Variants in FRAS1 observed in about 807,000 individuals in gnomAD.
The protein encoded by FRAS1 is Fraser extracellular matrix complex subunit 1, also known as extracellular matrix organizing protein FRAS1.
A neutral mutation model predicts 435.2 loss-of-function variants in FRAS1; 290 were observed. The observed-to-expected ratio is 0.67, with a 90% CI of 0.61 to 0.73. FRAS1 has a LOEUF of 0.73. Among genes scored for constraint, FRAS1 ranks in the 30% least tolerant of loss-of-function variants. The pLI, the probability that FRAS1 is intolerant of heterozygous loss-of-function variation, is 0.00. For missense variants in FRAS1, 4,860 were observed against 5,001.5 expected, an observed-to-expected ratio of 0.97 and a Z score of 0.85; for synonymous variants, 1,800 against 1,851.0, an observed-to-expected ratio of 0.97 and a Z score of 0.71.
At chr4:78,101,438 C>T (rs1270060706) in intron 2 of FRAS1, among the ~76,000 whole-genome samples, 1 of 152,056 alleles carries the variant, frequency 6.6e-6, no homozygotes, top group Non-Finnish European at 1.5e-5. Context: ...CTTGGTATTC[C>T]TGTATTCACA....
At chr4:78,537,382 A>C (rs1305008736) in intron 72 of FRAS1, among the ~76,000 whole-genome samples, 182 bp downstream of exon 72, 1 of 152,226 alleles carries the variant, frequency 6.6e-6, no homozygotes, top group Non-Finnish European at 1.5e-5. Context: ...ACGATGAGTA[A>C]CAAGACAAAC....
rs186330934 is a variant in FRAS1, at chr4:78,433,160, G to T, written c.5217+556G>T. Among the ~76,000 whole-genome samples, 54 of 152,274 alleles carry T rather than the reference G, an allele frequency of 3.5e-4. No individual in the cohort carries two copies. The East Asian group carries it at 7.9e-3, about 22-fold the overall frequency. On this transcript the variant is annotated intron_variant, in intron 38 of 73. Coordinates refer to ENST00000512123, the MANE Select transcript of FRAS1 (RefSeq NM_025074.7). ...GAAGCAGTGTAATTAGGAGGCCAAG[G>T]AGAGGATCAAGGACTAGAGTTTGTT...
intron 25 of FRAS1, among the ~76,000 whole-genome samples, chr4:78,375,444 A>G (rs1231740401): frequency 6.6e-6 from 1 of 152,248 alleles, no homozygotes; most frequent in African/African-American, 2.4e-5. Flanking sequence ...GTACCTAGAA[A>G]GAGTCTGTGC....
At chr4:78,531,352 C>A (rs995940397) in intron 70 of FRAS1, among the ~76,000 whole-genome samples, 1 of 152,050 alleles carries the variant, frequency 6.6e-6, no homozygotes, top group Non-Finnish European at 1.5e-5. Context: ...GCCTGCTTGC[C>A]CTGGCCAGAA....
intron 2 of FRAS1, among the ~76,000 whole-genome samples, chr4:78,163,202 C>G (rs1170598303): frequency 6.6e-6 from 1 of 152,168 alleles, no homozygotes; most frequent in Non-Finnish European, 1.5e-5. Context: ...TTATAAAAAG[C>G]ATTTTATTCC....
intron 4 of FRAS1, among the ~76,000 whole-genome samples, chr4:78,249,613 G>A (rs377399559): frequency 5.9e-5 from 9 of 152,156 alleles, no homozygotes; most frequent in South Asian, 2.1e-4. Context: ...ATGAGCCACC[G>A]TTGTCCAGCC....
intron 15 of FRAS1, among the ~76,000 whole-genome samples, chr4:78,310,111 G>A (rs1376605086): frequency 6.6e-6 from 1 of 152,182 alleles, no homozygotes; most frequent in East Asian, 1.9e-4. Flanking sequence ...GGTGGCTTTT[G>A]TGTGGATTCA....
intron 14 of FRAS1, among the ~76,000 whole-genome samples, chr4:78,301,846 GTT>G (rs59794614): frequency 3.8e-4 from 39 of 103,948 alleles, no homozygotes; most frequent in Middle Eastern, 6.0e-3. Context: ...CACAGAAACA[GTT>G]TTTTTTTTTT....
At chr4:78,431,307 G>A (rs572913625) in intron 37 of FRAS1, among the ~76,000 whole-genome samples, 2 of 152,240 alleles carry the variant, frequency 1.3e-5, no homozygotes, top group Admixed American at 6.5e-5. Context: ...ATTCCCAGGA[G>A]ACTACTTTAG....
chr4:78,314,607 C>T (rs1729160772), intron 15 of FRAS1, among the ~76,000 whole-genome samples: 1 of 152,088 alleles, frequency 6.6e-6, no homozygotes, highest in African/African-American at 2.4e-5. Context: ...ATTGCCTTTC[C>T]TAGGATGAAA....
At chr4:78,513,056 C>A (rs1721088010) in intron 64 of FRAS1, among the ~76,000 whole-genome samples, 1 of 152,192 alleles carries the variant, frequency 6.6e-6, no homozygotes, top group Non-Finnish European at 1.5e-5. Context: ...AGTCACTCAG[C>A]TTTAGCTCCT....
intron 70 of FRAS1, among the ~76,000 whole-genome samples, chr4:78,534,048 G>A (rs55796123): frequency 0.14 from 21,771 of 152,030 alleles, 1,795 homozygotes; most frequent in East Asian, 0.3. Flanking sequence ...CTGAAAGTGG[G>A]ACATGCGATA....
At chr4:78,316,298 T>C (rs1305287618) in intron 16 of FRAS1, among the ~76,000 whole-genome samples, 7 of 152,238 alleles carry the variant, frequency 4.6e-5, no homozygotes, top group Admixed American at 1.3e-4. Flanking sequence ...GTGTCTTTCC[T>C]CACAGGTAAC....
chr4:78,355,194 C>T (rs777502240), intron 20 of FRAS1, among the ~76,000 whole-genome samples: 21 of 152,056 alleles, frequency 1.4e-4, no homozygotes, highest in Non-Finnish European at 2.6e-4. Context: ...ACTCCATTTT[C>T]GGGCTACCTT....
chr4:78,308,218 T>TG lies in FRAS1; in HGVS notation c.1678+12dup. The TG allele has an allele frequency of 6.2e-7, 1 of 1,612,378 alleles. No homozygotes were observed. The highest frequency in any genetic ancestry group is 1.1e-5 in the South Asian group (1 of 90,848). On this transcript the variant is annotated intron_variant, in intron 15 of 73. Coordinates refer to ENST00000512123, the MANE Select transcript of FRAS1 (RefSeq NM_025074.7). ...GCAGGGCACCTGTAGCGGTGAGTGC[T>TG]GGGTTGCGATGCTGACGTGTCCTTT... is the stretch of plus-strand genomic sequence containing the variant.
At chr4:78,528,536 G>T (rs774544060) in intron 70 of FRAS1, among the ~76,000 whole-genome samples, 17 of 151,972 alleles carry the variant, frequency 1.1e-4, no homozygotes, top group Non-Finnish European at 2.1e-4. Context: ...TCTCTCTCTG[G>T]CTCATCGCAC....
intron 27 of FRAS1, among the ~76,000 whole-genome samples, chr4:78,381,106 C>G (rs1731996951): frequency 6.6e-6 from 1 of 152,138 alleles, no homozygotes; most frequent in South Asian, 2.1e-4. Context: ...AAGACTGATT[C>G]CACAATGCAT....
At position 78,281,377 on chromosome 4, in the gene FRAS1, G is replaced by A. The variant is rs538730585; in HGVS notation, c.1072-21G>A. On this transcript the variant is annotated intron_variant, in intron 10 of 73. Coordinates refer to ENST00000512123, the MANE Select transcript of FRAS1 (RefSeq NM_025074.7). The stretch of plus-strand genomic sequence containing the variant: ...ATGGTGTTTTTAGTGGCATAATAAA[G>A]ACATTTCTCTTTGTTCCTAGATGTC... The A allele has an allele frequency of 3.3e-6, 5 of 1,536,750 alleles. No homozygotes were observed. In the African/African-American group the frequency reaches 6.9e-5, roughly 21 times the overall value.
intron 2 of FRAS1, among the ~76,000 whole-genome samples, chr4:78,193,050 C>G (rs1471863081): frequency 6.6e-6 from 1 of 152,170 alleles, no homozygotes; most frequent in African/African-American, 2.4e-5. Context: ...CATTCAGGAG[C>G]AGGTTATTTA....
Sources: gnomAD v4.1 joint callset for allele counts (sites outside exome capture counted in the v4.1 genomes callset) on GRCh38, gnomAD v4.1.1 for gene constraint, MANE v1.5 for transcripts, NCBI Gene and HGNC (gene_info 2026-07-23, HGNC 2026-07-21) for gene names.